CIAO2A: variants seen among roughly 807,000 people sequenced by gnomAD.
CIAO2A encodes cytosolic iron-sulfur assembly component 2A.
Under a neutral mutation model 22.4 loss-of-function variants are expected in CIAO2A, and 17 were observed. The ratio of observed to expected loss-of-function variants is 0.76; its 90% CI spans 0.52 to 1.14. The LOEUF is 1.14. Ranked by LOEUF, CIAO2A falls within the 50% of genes most tolerant of loss-of-function variation. The probability of loss-of-function intolerance (pLI) is 0.00; values close to 1 mark genes in which losing one functional copy is unlikely to be tolerated. For synonymous variants in CIAO2A, 74 were observed against 72.3 expected (o/e 1.02, Z -0.12); for missense variants, 192 against 191.4 (o/e 1.00, Z -0.02).
Position 64,093,633 on chromosome 15 carries a change from A to G in CIAO2A, c.124+12T>C. 3.1e-6 allele frequency: 5 copies of G among 1,609,378 alleles called. No individual in the cohort carries two copies. Among genetic ancestry groups the G allele is most frequent in the Non-Finnish European group, 4.2e-6 (5 of 1,177,006 alleles). On this transcript the variant is annotated intron_variant, in intron 1 of 4. Coordinates refer to ENST00000300030, the MANE Select transcript of CIAO2A (RefSeq NM_032231.7). ...TATAACGCCAAATGCTGTGCTGGGTAAAATTAATTACCATAAACTTCTAGC... is the reference window on the plus strand; with the variant it reads ...TATAACGCCAAATGCTGTGCTGGGTGAAATTAATTACCATAAACTTCTAGC...
chr15:64,076,898 G>T (rs530518839), intron 3 of CIAO2A, among the ~76,000 whole-genome samples: 1 of 151,720 alleles, frequency 6.6e-6, no homozygotes, highest in Admixed American at 6.6e-5. Flanking sequence ...TAGAGACCGC[G>T]TATCGCCATA....
intron 1 of CIAO2A, among the ~76,000 whole-genome samples, chr15:64,091,938 T>G (rs990149132): frequency 6.6e-6 from 1 of 151,828 alleles, no homozygotes; most frequent in African/African-American, 2.4e-5. Flanking sequence ...TGCATGCCTA[T>G]GGTCCCAGTC....
chr15:64,084,725 T>C (rs1434358908), intron 2 of CIAO2A, among the ~76,000 whole-genome samples: 3 of 151,868 alleles, frequency 2.0e-5, no homozygotes, highest in Admixed American at 1.3e-4. Flanking sequence ...ACCAAGATCA[T>C]GCCATTGCAC....
Position 64,072,626 on chromosome 15 carries a change from A to T in CIAO2A, c.*305T>A, listed in dbSNP as rs2080680380. The T allele has an allele frequency of 4.5e-6, 1 of 223,926 alleles. No individual in the cohort carries two copies. Among genetic ancestry groups the T allele is most frequent in the Non-Finnish European group, 8.7e-6 (1 of 114,668 alleles). The allele number at this position is 223,926 out of a possible 1,614,324, so 13.9% of individuals were successfully genotyped here. On this transcript the variant is annotated 3_prime_UTR_variant, in exon 5 of 5. Coordinates refer to ENST00000300030, the MANE Select transcript of CIAO2A (RefSeq NM_032231.7). ...ATTTAAATTGAGTACATTTGGGCACAGTAGATATTTGACACGAAAAATAGT... is the reference window on the plus strand; with the variant it reads ...ATTTAAATTGAGTACATTTGGGCACTGTAGATATTTGACACGAAAAATAGT...
At chr15:64,086,963 G>A (rs1407321646) in intron 2 of CIAO2A, among the ~76,000 whole-genome samples, 2 of 149,234 alleles carry the variant, frequency 1.3e-5, no homozygotes, top group Non-Finnish European at 3.0e-5. Context: ...CCAGGTTGGT[G>A]TGCAATGGCA....
At position 64,072,631 on chromosome 15, in the gene CIAO2A, A is replaced by G. The variant is rs777042584; in HGVS notation, c.*300T>C. On this transcript the variant is annotated 3_prime_UTR_variant, in exon 5 of 5. Transcript: ENST00000300030. ...AATTGAGTACATTTGGGCACAGTAG[A>G]TATTTGACACGAAAAATAGTTGTAT... 10 of 232,296 alleles carry G rather than the reference A, an allele frequency of 4.3e-5. No individual in the cohort carries two copies. Among genetic ancestry groups the G allele is most frequent in the African/African-American group, 6.8e-5 (3 of 44,252 alleles). The allele number at this position is 232,296 out of a possible 1,614,324, so 14.4% of individuals were successfully genotyped here.
At chr15:64,081,181 T>G in intron 2 of CIAO2A, 30 bp from the exon 3 acceptor site, 1 of 1,600,988 alleles carries the variant, frequency 6.2e-7, no homozygotes, top group African/African-American at 1.3e-5. Context: ...CCTCCAATTA[T>G]CTCTTTATTG....
At chr15:64,091,267 C>T (rs1332643245) in intron 1 of CIAO2A, among the ~76,000 whole-genome samples, 1 of 151,994 alleles carries the variant, frequency 6.6e-6, no homozygotes. Flanking sequence ...GATCACCCAC[C>T]TGAGTTCAGG....
At chr15:64,073,969 C>T (rs894869571) in intron 4 of CIAO2A, among the ~76,000 whole-genome samples, 7 of 152,088 alleles carry the variant, frequency 4.6e-5, no homozygotes, top group Admixed American at 2.0e-4. Flanking sequence ...AGATGGAAAA[C>T]GGCTCAATAT....
At chr15:64,079,102 A>T (rs12904765) in intron 3 of CIAO2A, among the ~76,000 whole-genome samples, 2,858 of 152,178 alleles carry the variant, frequency 0.019, 40 homozygotes, top group Non-Finnish European at 0.031. Context: ...TAGTTACAGA[A>T]ATCAGGACTA....
Position 64,093,359 on chromosome 15 carries a change from A to G in CIAO2A, c.124+286T>C, listed in dbSNP as rs184055267. Among the ~76,000 whole-genome samples, 661 of 152,074 alleles carry G rather than the reference A, an allele frequency of 4.3e-3. 3 individuals are homozygous for G. The highest frequency in any genetic ancestry group is 0.014 in the Middle Eastern group (4 of 294). On this transcript the variant is annotated intron_variant, in intron 1 of 4. Transcript: ENST00000300030. ...CACAAGTCTTGGAATGGTTACTAAG[A>G]CGTAGGCCACACGTGGAGAATGAAG...
chr15:64,083,686 T>C (rs911334478), intron 2 of CIAO2A, among the ~76,000 whole-genome samples: 1 of 152,208 alleles, frequency 6.6e-6, no homozygotes, highest in Non-Finnish European at 1.5e-5. Flanking sequence ...CTCACACTTG[T>C]AATCCCAGCA....
intron 3 of CIAO2A, 25 bp downstream of exon 3, chr15:64,081,077 A>G: frequency 1.9e-6 from 3 of 1,608,580 alleles, no homozygotes; most frequent in Non-Finnish European, 2.5e-6. Context: ...CAACAACAAC[A>G]ACAACAAAAA....
intron 2 of CIAO2A, among the ~76,000 whole-genome samples, chr15:64,087,277 G>A (rs575752795): frequency 6.6e-6 from 1 of 151,984 alleles, no homozygotes; most frequent in East Asian, 1.9e-4. Flanking sequence ...AGTTTTAGTA[G>A]AGACAGGGTT....
intron 2 of CIAO2A, among the ~76,000 whole-genome samples, chr15:64,086,805 G>T (rs946562812): frequency 6.7e-6 from 1 of 150,066 alleles, no homozygotes; most frequent in Non-Finnish European, 1.5e-5. Flanking sequence ...GTAGAGATGG[G>T]GTTTCACCAT....
intron 3 of CIAO2A, among the ~76,000 whole-genome samples, chr15:64,078,683 G>C (rs2080738386): frequency 6.6e-6 from 1 of 151,084 alleles, no homozygotes; most frequent in Admixed American, 6.6e-5. Context: ...GACAGTCCAG[G>C]AGGGAAGATG....
At chr15:64,090,791 T>C (rs1401013488) in intron 1 of CIAO2A, among the ~76,000 whole-genome samples, 1 of 152,182 alleles carries the variant, frequency 6.6e-6, no homozygotes, top group Admixed American at 6.5e-5. Flanking sequence ...AAAAGGACAA[T>C]GACTTTATAA....
intron 3 of CIAO2A, among the ~76,000 whole-genome samples, chr15:64,080,449 G>A (rs941990919): frequency 4.0e-5 from 6 of 151,836 alleles, no homozygotes; most frequent in African/African-American, 1.5e-4. Context: ...TTGAGAGGCC[G>A]AGGCGGGTGG....
chr15:64,080,744 T>C (rs1371833762), intron 3 of CIAO2A, among the ~76,000 whole-genome samples: 2 of 152,022 alleles, frequency 1.3e-5, no homozygotes, highest in Admixed American at 6.6e-5. Flanking sequence ...AAGATAATAA[T>C]AAATGTTAGC....
Sources: allele counts gnomAD v4.1 joint callset (sites outside exome capture counted in the v4.1 genomes callset), GRCh38; gene constraint gnomAD v4.1.1; transcripts MANE v1.5; gene names NCBI Gene and HGNC (gene_info 2026-07-23, HGNC 2026-07-21).